STRBP: variants seen among roughly 807,000 people sequenced by gnomAD.
STRBP encodes spermatid perinuclear RNA binding protein.
A neutral mutation model predicts 80.1 loss-of-function variants in STRBP; 13 were observed. The observed-to-expected ratio is 0.16, with a 90% CI of 0.11 to 0.26. The LOEUF (loss-of-function observed/expected upper bound fraction) is 0.26. STRBP is among the 10% of genes least tolerant of loss of function. STRBP has a pLI of 1.00. For synonymous variants in STRBP, 284 were observed against 291.2 expected, an observed-to-expected ratio of 0.98 and a Z score of 0.25; for missense variants, 485 against 815.2, an observed-to-expected ratio of 0.59 and a Z score of 4.93.
intron 1 of STRBP, among the ~76,000 whole-genome samples, chr9:123,262,430 C>A (rs562691391): frequency 5.9e-5 from 9 of 152,242 alleles, no homozygotes; most frequent in Middle Eastern, 3.4e-3. Flanking sequence ...TGGAAAACTG[C>A]AAAGAACAGG....
chr9:123,114,800 G>A (rs1025240783), intron 3 of STRBP: 21 of 221,164 alleles, frequency 9.5e-5, no homozygotes, highest in Non-Finnish European at 1.8e-4. Flanking sequence ...CAGGTCCCCC[G>A]CCCCCGGATG....
rs895239382 is a variant in STRBP, at chr9:123,123,170, G to A, written c.*2427C>T. ...GGCCCAAGTGAATAATAAATGGTGC[G>A]ACGCTCAGAGGCTGGCAATAGGGGC... On this transcript the variant is annotated 3_prime_UTR_variant, in exon 19 of 19. Coordinates refer to ENST00000348403, the MANE Select transcript of STRBP (RefSeq NM_018387.5). 3 of 985,364 alleles carry A rather than the reference G, an allele frequency of 3.0e-6. No homozygotes were observed. Among genetic ancestry groups the A allele is most frequent in the Non-Finnish European group, 2.4e-6 (2 of 829,926 alleles). 61.0% of individuals were successfully genotyped at this position (985,364 alleles called of 1,614,324 possible).
chr9:123,131,909 T>G (rs1382095098), intron 17 of STRBP, among the ~76,000 whole-genome samples: 1 of 152,200 alleles, frequency 6.6e-6, no homozygotes, highest in Non-Finnish European at 1.5e-5. Context: ...TTAGGGATGT[T>G]ACCTAAAAAA....
chr9:123,129,023 C>T (rs2036017340), intron 17 of STRBP, among the ~76,000 whole-genome samples: 2 of 152,132 alleles, frequency 1.3e-5, no homozygotes, highest in Non-Finnish European at 2.9e-5. Flanking sequence ...TCTTTTTACT[C>T]TTTTAGTAAA....
chr9:123,224,194 T>C (rs191369928), intron 2 of STRBP, among the ~76,000 whole-genome samples: 3 of 152,338 alleles, frequency 2.0e-5, no homozygotes, highest in East Asian at 3.9e-4. Flanking sequence ...ACTAAGAGAT[T>C]AAGCTAACCA....
chr9:123,263,599 G>A (rs1042597558), intron 1 of STRBP, among the ~76,000 whole-genome samples: 9 of 150,362 alleles, frequency 6.0e-5, no homozygotes, highest in Non-Finnish European at 8.8e-5. Context: ...ACACCTGGAA[G>A]GCTCTTTACA....
Position 123,115,998 on chromosome 9 carries a change from C to A in STRBP, c.*15G>T, listed in dbSNP as rs746445927. ...CCTTAACCTTCTGGTCCTTCCATCT[C>A]ATTTCAAGGTGCTTTCAGCTTTCCT... is the stretch of plus-strand genomic sequence containing the variant. On this transcript the variant is annotated 3_prime_UTR_variant and NMD_transcript_variant, in exon 3 of 4. Coordinates refer to the STRBP transcript ENST00000471564. The surrounding 1 kb of genome is among the most constrained non-coding windows in gnomAD (Gnocchi z 5.0). 6 of 456,200 alleles carry A rather than the reference C, an allele frequency of 1.3e-5. No individual in the cohort carries two copies. Among genetic ancestry groups the A allele is most frequent in the South Asian group, 4.6e-5 (3 of 64,576 alleles). The allele number at this position is 456,200 out of a possible 1,614,324, so 28.3% of individuals were successfully genotyped here.
At chr9:123,187,382 T>C (rs1188065811) in intron 2 of STRBP, among the ~76,000 whole-genome samples, 1 of 152,180 alleles carries the variant, frequency 6.6e-6, no homozygotes, top group Non-Finnish European at 1.5e-5. Flanking sequence ...TGAAATGGGC[T>C]GACTAGTATC....
At chr9:123,146,059 T>C (rs1266898899) in intron 13 of STRBP, among the ~76,000 whole-genome samples, 1 of 151,892 alleles carries the variant, frequency 6.6e-6, no homozygotes, top group Non-Finnish European at 1.5e-5. Context: ...ACACTAATAA[T>C]ACATACAAAA....
intron 6 of STRBP, chr9:123,168,166 G>A: frequency 1.1e-6 from 1 of 943,204 alleles, no homozygotes; most frequent in Non-Finnish European, 1.3e-6. Flanking sequence ...TTATACTAGA[G>A]GGTCAAGTAG....
At chr9:123,249,053 C>A (rs7862985) in intron 1 of STRBP, among the ~76,000 whole-genome samples, 4 of 152,190 alleles carry the variant, frequency 2.6e-5, no homozygotes, top group Non-Finnish European at 5.9e-5. Context: ...AAGTAGCAAT[C>A]CATTTCATAG....
intron 2 of STRBP, among the ~76,000 whole-genome samples, chr9:123,216,700 G>A (rs1414333067): frequency 6.6e-6 from 1 of 152,148 alleles, no homozygotes; most frequent in Non-Finnish European, 1.5e-5. Context: ...ACACTGCTAC[G>A]ATATCATGTA....
At chr9:123,268,190 C>A (rs2041319152) in intron 1 of STRBP, among the ~76,000 whole-genome samples, 1 of 151,942 alleles carries the variant, frequency 6.6e-6, no homozygotes, top group South Asian at 2.1e-4. Context: ...AGGCTGCCCG[C>A]TGCCCTTGCC....
intron 18 of STRBP, 31 bp downstream of exon 18, chr9:123,128,183 A>C (rs2132300156): frequency 6.2e-7 from 1 of 1,613,622 alleles, no homozygotes; most frequent in Non-Finnish European, 8.5e-7. Context: ...ACAGTCGCTA[A>C]GAGGAGATAT....
chr9:123,179,337 A>T, intron 3 of STRBP, 110 bp from the exon 4 acceptor site: 1 of 902,684 alleles, frequency 1.1e-6, no homozygotes, highest in Non-Finnish European at 1.6e-6. Context: ...GTCTACTGTG[A>T]AACAGTTAAT....
intron 2 of STRBP, among the ~76,000 whole-genome samples, chr9:123,195,421 A>G (rs2039057857): frequency 6.6e-6 from 1 of 152,236 alleles, no homozygotes; most frequent in Admixed American, 6.5e-5. Context: ...TTATTTGCAG[A>G]TAATATGATC....
chr9:123,220,721 A>G (rs188323931), intron 2 of STRBP, among the ~76,000 whole-genome samples: 63 of 152,334 alleles, frequency 4.1e-4, no homozygotes, highest in African/African-American at 1.5e-3. Flanking sequence ...ACAGGACTGT[A>G]TAACTAACCT....
chr9:123,166,880 G>A (rs976386297), intron 6 of STRBP, among the ~76,000 whole-genome samples: 1 of 152,190 alleles, frequency 6.6e-6, no homozygotes, highest in African/African-American at 2.4e-5. Context: ...TGGGGATATG[G>A]TTATTCTACA....
chr9:123,183,437 TA>T (rs34673681), intron 3 of STRBP, among the ~76,000 whole-genome samples: 180 of 141,026 alleles, frequency 1.3e-3, no homozygotes, highest in Middle Eastern at 3.6e-3. Flanking sequence ...ACTCCGTCTT[TA>T]AAAAAAAAAA....
Sources: gnomAD v4.1 joint callset for allele counts (sites outside exome capture counted in the v4.1 genomes callset) on GRCh38, gnomAD v4.1.1 for gene constraint, Gnocchi (gnomAD v3.1) non-coding constraint, MANE v1.5 for transcripts, NCBI Gene and HGNC (gene_info 2026-07-23, HGNC 2026-07-21) for gene names.